The following MTRES1 variants were observed in gnomAD, a reference collection of about 807,000 sequenced individuals.
MTRES1 encodes mitochondrial transcription rescue factor 1, also known as uncharacterized protein C6orf203.
In MTRES1, 11 loss-of-function variants were observed where a neutral mutation model predicts 17.4. The ratio of observed to expected loss-of-function variants is 0.63; its 90% confidence interval spans 0.40 to 1.05. The LOEUF is 1.05. Among genes scored for constraint, MTRES1 ranks in the 50% least tolerant of loss-of-function variants. MTRES1 has a pLI of 0.00. For missense variants in MTRES1, 268 were observed against 276.2 expected, an observed-to-expected ratio of 0.97 and a Z score of 0.21; for synonymous variants, 94 against 99.6, an observed-to-expected ratio of 0.94 and a Z score of 0.34.
At chr6:107,039,719 G>A (rs1774126604) in intron 1 of MTRES1, 30 bp from the exon 2 acceptor site, 5 of 1,561,326 alleles carry the variant, frequency 3.2e-6, no homozygotes, top group Middle Eastern at 2.4e-4. Flanking sequence ...CTGCACTTGT[G>A]AGATAAAACT....
At chr6:107,034,626 C>T (rs1007146007) in intron 1 of MTRES1, among the ~76,000 whole-genome samples, 3 of 152,100 alleles carry the variant, frequency 2.0e-5, no homozygotes, top group Admixed American at 6.6e-5. Flanking sequence ...ATGGGCTTGT[C>T]GCAAGGAACA....
chr6:107,047,992 G>GTT (rs560880077), intron 3 of MTRES1, among the ~76,000 whole-genome samples: 100 of 152,328 alleles, frequency 6.6e-4, no homozygotes, highest in African/African-American at 2.3e-3. Context: ...GAGCCCAGGA[G>GTT]TTTGAGGCTA....
chr6:107,051,326 T>C lies in MTRES1; in HGVS notation c.*90T>C. 2 of 1,184,836 alleles carry C rather than the reference T, an allele frequency of 1.7e-6. No individual in the cohort carries two copies. Among genetic ancestry groups the C allele is most frequent in the East Asian group, 5.0e-5 (2 of 40,222 alleles). The allele number at this position is 1,184,836 out of a possible 1,614,324, so 73.4% of individuals were successfully genotyped here. ...GGACATTTTTATTAAAATAAAGTTC[T>C]CTTAGCGTTTGTGGAATCTGCCGAG... On this transcript the variant is annotated 3_prime_UTR_variant, in exon 4 of 4. Coordinates refer to ENST00000311381, the MANE Select transcript of MTRES1 (RefSeq NM_016487.5).
In MTRES1 at chr6:107,051,077, G is replaced by A. The variant is rs201067031; in HGVS notation, c.564G>A (p.Leu188=). The A allele has an allele frequency of 6.2e-7, 1 of 1,610,998 alleles. No individual in the cohort carries two copies. The highest frequency in any genetic ancestry group is 1.3e-5 in the African/African-American group (1 of 74,870). The part of the protein sequence containing the change: ...KSRTVKVGDT[L]DLLIGEDKEA... ...TTCAGGTGAAAGTGGGAGATACATT[G>A]GATCTTCTCATTGGAGAGGATAAAG... The change falls in exon 4 of 4, where the codon TTG becomes TTA. Residue 188 remains leucine (L), a synonymous_variant. Transcript: ENST00000311381.
chr6:107,046,877 A>G (rs546689012), intron 3 of MTRES1, among the ~76,000 whole-genome samples: 2 of 151,738 alleles, frequency 1.3e-5, no homozygotes, highest in Non-Finnish European at 2.9e-5. Flanking sequence ...CAGTTGGGTA[A>G]AGGAGGAGCA....
chr6:107,030,563 C>A (rs1162692926), intron 1 of MTRES1, among the ~76,000 whole-genome samples: 1 of 152,188 alleles, frequency 6.6e-6, no homozygotes, highest in African/African-American at 2.4e-5. Flanking sequence ...TTAATTCTTG[C>A]AGCATCAAAT....
intron 3 of MTRES1, among the ~76,000 whole-genome samples, chr6:107,049,913 G>T (rs1415377336): frequency 4.6e-5 from 7 of 152,078 alleles, no homozygotes; most frequent in East Asian, 1.9e-4. Flanking sequence ...TAGAGACGGG[G>T]TTTCACCATG....
intron 1 of MTRES1, among the ~76,000 whole-genome samples, chr6:107,036,074 T>G (rs1171249784): frequency 2.0e-5 from 3 of 152,126 alleles, no homozygotes; most frequent in African/African-American, 7.2e-5. Context: ...GTTATGACTT[T>G]TGGGGGGGCA....
intron 2 of MTRES1, among the ~76,000 whole-genome samples, chr6:107,041,298 T>C (rs1347407027): frequency 2.0e-5 from 3 of 151,920 alleles, no homozygotes; most frequent in African/African-American, 7.2e-5. Flanking sequence ...CTGTGTGACC[T>C]TGGGCAAGTT....
chr6:107,044,151 G>T, intron 2 of MTRES1, 109 bp from the exon 3 acceptor site: 1 of 705,240 alleles, frequency 1.4e-6, no homozygotes, highest in Non-Finnish European at 2.4e-6. Flanking sequence ...TAGATTTGAG[G>T]GTACAAGTGT....
chr6:107,040,146 TCAAAAA>T lies in MTRES1; in HGVS notation c.388_393del (p.Lys130_Asn131del). On this transcript the variant is annotated inframe_deletion, in exon 2 of 4. Coordinates refer to ENST00000311381, the MANE Select transcript of MTRES1 (RefSeq NM_016487.5). ...GAGCTTGAGGATGATCCTACTGTAG[TCAAAAA>T]CTATAAAGACCTGGAAAAAGCAGTT... 6.2e-7 allele frequency: 1 copy of T among 1,613,408 alleles called. No homozygotes were observed.
At chr6:107,039,386 C>T (rs1417157723) in intron 1 of MTRES1, among the ~76,000 whole-genome samples, 1 of 151,950 alleles carries the variant, frequency 6.6e-6, no homozygotes, top group Non-Finnish European at 1.5e-5. Flanking sequence ...GTGGCGTGAT[C>T]TCAGCTCACT....
chr6:107,042,113 G>C (rs564012544), intron 2 of MTRES1, among the ~76,000 whole-genome samples: 2 of 152,010 alleles, frequency 1.3e-5, no homozygotes, highest in East Asian at 3.9e-4. Flanking sequence ...GGCCAAGGCA[G>C]GTGTATCACG....
intron 1 of MTRES1, among the ~76,000 whole-genome samples, chr6:107,031,776 T>C (rs1773851814): frequency 6.6e-6 from 1 of 152,108 alleles, no homozygotes; most frequent in African/African-American, 2.4e-5. Context: ...AATTTTTGTA[T>C]TAGTAGTAGA....
intron 1 of MTRES1, among the ~76,000 whole-genome samples, chr6:107,035,673 A>G (rs1773984128): frequency 6.6e-6 from 1 of 151,864 alleles, no homozygotes; most frequent in African/African-American, 2.4e-5. Context: ...TTTGAGATGG[A>G]GTTTCGCTCT....
In MTRES1 at chr6:107,038,606, A is replaced by G. The variant is rs78167801; in HGVS notation, c.-12-1143A>G. Among the ~76,000 whole-genome samples the G allele has an allele frequency of 8.0e-3, 1,212 of 152,260 alleles. 12 individuals are homozygous for G. The highest frequency in any genetic ancestry group is 0.028 in the African/African-American group (1,159 of 41,546). ...AGGTCTGTCCAATTTGCTCACCCTT[A>G]CCTCTGATTTGCTGGGGCTGGAGGT... is the stretch of plus-strand genomic sequence containing the variant. On this transcript the variant is annotated intron_variant, in intron 1 of 3. Transcript: ENST00000311381.
chr6:107,028,918 C>T, intron 1 of MTRES1: 1 of 980,204 alleles, frequency 1.0e-6, no homozygotes. Context: ...AAATGAACTT[C>T]CATCAGGTCA....
intron 1 of MTRES1, among the ~76,000 whole-genome samples, chr6:107,037,547 A>G (rs1247561031): frequency 3.3e-5 from 5 of 152,232 alleles, no homozygotes; most frequent in African/African-American, 7.2e-5. Context: ...CCTCATCTCT[A>G]CTAAATAAAT....
At chr6:107,045,219 C>A (rs1774351281) in intron 3 of MTRES1, among the ~76,000 whole-genome samples, 1 of 151,200 alleles carries the variant, frequency 6.6e-6, no homozygotes, top group South Asian at 2.1e-4. Context: ...CAGTGACTCA[C>A]ACCTGTAATC....
Sources: gnomAD v4.1 joint callset for allele counts (sites outside exome capture counted in the v4.1 genomes callset) on GRCh38, gnomAD v4.1.1 for gene constraint, MANE v1.5 for transcripts, NCBI Gene and HGNC (gene_info 2026-07-23, HGNC 2026-07-21) for gene names.